CPNE8: variants seen among roughly 807,000 people sequenced by gnomAD.
CPNE8 encodes copine-8.
In CPNE8, 45 loss-of-function variants were observed where a neutral mutation model predicts 81.5. The ratio of observed to expected loss-of-function variants is 0.55; its 90% CI spans 0.44 to 0.71. The LOEUF is 0.71. Ranked by LOEUF, CPNE8 falls within the 30% of genes least tolerant of loss-of-function variation. CPNE8 has a pLI of 0.00. For missense variants in CPNE8, 594 were observed against 672.1 expected (o/e 0.88, Z 1.28); for synonymous variants, 252 against 226.3 (o/e 1.11, Z -1.02).
intron 15 of CPNE8, among the ~76,000 whole-genome samples, chr12:38,687,339 C>A (rs1939553739): frequency 6.7e-6 from 1 of 150,012 alleles, no homozygotes; most frequent in African/African-American, 2.5e-5. Context: ...TCTTAAACAC[C>A]ATTATGCTAC....
chr12:38,792,147 C>A (rs1467536975), intron 6 of CPNE8, among the ~76,000 whole-genome samples: 2 of 151,080 alleles, frequency 1.3e-5, no homozygotes, highest in Non-Finnish European at 3.0e-5. Flanking sequence ...GATCTCAAGT[C>A]AACAACCTAA....
chr12:38,689,257 A>G (rs1234250051), intron 15 of CPNE8, among the ~76,000 whole-genome samples: 1 of 152,228 alleles, frequency 6.6e-6, no homozygotes, highest in African/African-American at 2.4e-5. Context: ...AAAATGATTA[A>G]TAATCTCACC....
intron 1 of CPNE8, among the ~76,000 whole-genome samples, chr12:38,889,302 T>C (rs1347039436): frequency 6.6e-6 from 1 of 152,192 alleles, no homozygotes; most frequent in Non-Finnish European, 1.5e-5. Flanking sequence ...GGCAAGTCAA[T>C]CTGAAGGATC....
intron 8 of CPNE8, among the ~76,000 whole-genome samples, chr12:38,766,067 C>T (rs1169520716): frequency 1.3e-5 from 2 of 152,084 alleles, no homozygotes; most frequent in East Asian, 3.9e-4. Context: ...ACCATGTTGA[C>T]CAGGATGGTC....
intron 3 of CPNE8, among the ~76,000 whole-genome samples, chr12:38,862,151 G>A (rs1198008846): frequency 6.6e-6 from 1 of 151,984 alleles, no homozygotes; most frequent in Admixed American, 6.6e-5. Flanking sequence ...TTGTAGAAAT[G>A]CAAAGAACAG....
At chr12:38,867,794 A>G (rs1344249520) in intron 3 of CPNE8, among the ~76,000 whole-genome samples, 2 of 152,082 alleles carry the variant, frequency 1.3e-5, no homozygotes, top group Non-Finnish European at 2.9e-5. Flanking sequence ...CTTAAACATC[A>G]TTTCTAGCTC....
chr12:38,905,087 C>A (rs1944548656), intron 1 of CPNE8, among the ~76,000 whole-genome samples: 1 of 152,082 alleles, frequency 6.6e-6, no homozygotes, highest in African/African-American at 2.4e-5. Flanking sequence ...CAGTGCTGTC[C>A]CCTTCGATTC....
At chr12:38,691,114 A>T (rs781257651) in intron 15 of CPNE8, among the ~76,000 whole-genome samples, 1 of 152,224 alleles carries the variant, frequency 6.6e-6, no homozygotes, top group Non-Finnish European at 1.5e-5. Flanking sequence ...ATAAAGGTAC[A>T]TATATCATGG....
At chr12:38,905,287 G>A (rs900372965) in intron 1 of CPNE8, 150 bp downstream of exon 1, 10 of 800,040 alleles carry the variant, frequency 1.2e-5, no homozygotes, top group African/African-American at 6.9e-5. Context: ...CACCTGACCC[G>A]GGGTAACTCC....
intron 6 of CPNE8, among the ~76,000 whole-genome samples, chr12:38,802,716 G>T (rs967563335): frequency 6.6e-6 from 1 of 151,552 alleles, no homozygotes; most frequent in Non-Finnish European, 1.5e-5. Flanking sequence ...ATGAATCCAG[G>T]AGCTGGTTTT....
chr12:38,661,160 T>A (rs1424928124), intron 19 of CPNE8, among the ~76,000 whole-genome samples: 1 of 152,170 alleles, frequency 6.6e-6, no homozygotes, highest in Admixed American at 6.5e-5. Flanking sequence ...CATGCACATG[T>A]ATGTTTATTG....
intron 6 of CPNE8, among the ~76,000 whole-genome samples, chr12:38,796,720 G>T (rs1313918807): frequency 6.6e-6 from 1 of 152,104 alleles, no homozygotes; most frequent in Non-Finnish European, 1.5e-5. Flanking sequence ...AGCGCACCAT[G>T]TCCAAGCCAA....
intron 13 of CPNE8, among the ~76,000 whole-genome samples, chr12:38,707,025 A>G (rs558088418): frequency 3.6e-4 from 55 of 152,268 alleles, no homozygotes; most frequent in African/African-American, 1.3e-3. Context: ...AAAGAAGAAG[A>G]GAGCAGAGGA....
At chr12:38,890,471 T>A (rs970481536) in intron 1 of CPNE8, among the ~76,000 whole-genome samples, 1 of 152,246 alleles carries the variant, frequency 6.6e-6, no homozygotes, top group African/African-American at 2.4e-5. Flanking sequence ...GAAAGCATTG[T>A]TTTCCATCTT....
intron 6 of CPNE8, among the ~76,000 whole-genome samples, chr12:38,813,290 A>C (rs1942967960): frequency 1.3e-5 from 2 of 152,134 alleles, no homozygotes; most frequent in Non-Finnish European, 2.9e-5. Context: ...ATAATGATCT[A>C]AATAAGAAGG....
chr12:38,874,549 A>G (rs1212743227), intron 1 of CPNE8, 38 bp from the exon 2 acceptor site: 20 of 1,362,226 alleles, frequency 1.5e-5, no homozygotes, highest in Admixed American at 5.5e-5. Flanking sequence ...TGGATATAAA[A>G]GCAAAATATT....
chr12:38,683,197 G>A (rs925406372), intron 16 of CPNE8, among the ~76,000 whole-genome samples: 1 of 152,050 alleles, frequency 6.6e-6, no homozygotes, highest in African/African-American at 2.4e-5. Context: ...CTTAAAAAGA[G>A]TAAGCATTCT....
chr12:38,902,212 A>C (rs1414312513), intron 1 of CPNE8, among the ~76,000 whole-genome samples: 1 of 145,918 alleles, frequency 6.9e-6, no homozygotes, highest in Non-Finnish European at 1.5e-5. Flanking sequence ...AAAGAAAGAA[A>C]GAAAGAGAAA....
intron 13 of CPNE8, among the ~76,000 whole-genome samples, chr12:38,723,337 C>A (rs926249353): frequency 6.6e-6 from 1 of 151,816 alleles, no homozygotes; most frequent in African/African-American, 2.4e-5. Flanking sequence ...GCTGTGGGAC[C>A]AACTAAATGA....
Sources: gnomAD v4.1 joint callset for allele counts (sites outside exome capture counted in the v4.1 genomes callset) on GRCh38, gnomAD v4.1.1 for gene constraint, MANE v1.5 for transcripts, NCBI Gene and HGNC (gene_info 2026-07-23, HGNC 2026-07-21) for gene names.